Variants in HFM1 observed in about 807,000 individuals in gnomAD.
The protein encoded by HFM1 is probable ATP-dependent DNA helicase HFM1.
Under a neutral mutation model 192.1 loss-of-function variants are expected in HFM1, and 169 were observed. That is an observed-to-expected ratio of 0.88 (90% confidence interval 0.78 to 1.00). The LOEUF (loss-of-function observed/expected upper bound fraction) is 1.00. Ranked by LOEUF, HFM1 falls within the 50% of genes least tolerant of loss-of-function variation. The probability of loss-of-function intolerance (pLI) is 0.00; values close to 1 mark genes in which losing one functional copy is unlikely to be tolerated. For synonymous variants in HFM1, 525 were observed against 537.8 expected, an observed-to-expected ratio of 0.98 and a Z score of 0.33; for missense variants, 1,661 against 1,668.0, an observed-to-expected ratio of 1.00 and a Z score of 0.07.
chr1:91,387,122 T>TAA (rs1026840483), intron 4 of HFM1, among the ~76,000 whole-genome samples: 12 of 152,328 alleles, frequency 7.9e-5, no homozygotes, highest in Admixed American at 2.0e-4. Context: ...ATTCACATCT[T>TAA]ATAGAATAAG....
chr1:91,337,076 G>A (rs1303730343), intron 20 of HFM1, among the ~76,000 whole-genome samples: 1 of 152,184 alleles, frequency 6.6e-6, no homozygotes, highest in Non-Finnish European at 1.5e-5. Context: ...GTTGGGGTCT[G>A]TTGGGGAGGG....
intron 13 of HFM1, among the ~76,000 whole-genome samples, chr1:91,367,972 C>T (rs1043918319): frequency 3.9e-5 from 6 of 151,916 alleles, no homozygotes; most frequent in Admixed American, 6.6e-5. Flanking sequence ...CCTCAGTAGC[C>T]GATGTGATCA....
intron 30 of HFM1, among the ~76,000 whole-genome samples, chr1:91,280,454 A>G (rs575334428): frequency 6.6e-6 from 1 of 152,332 alleles, no homozygotes; most frequent in African/African-American, 2.4e-5. Flanking sequence ...TGGCAATTGC[A>G]TATCTCCATA....
intron 30 of HFM1, among the ~76,000 whole-genome samples, chr1:91,285,697 T>G (rs938268434): frequency 1.3e-5 from 2 of 152,212 alleles, no homozygotes; most frequent in African/African-American, 4.8e-5. Context: ...CCTTCATCCA[T>G]GATTTTGCTT....
chr1:91,298,190 G>T (rs1294634212), intron 30 of HFM1, among the ~76,000 whole-genome samples: 1 of 152,192 alleles, frequency 6.6e-6, no homozygotes, highest in Non-Finnish European at 1.5e-5. Context: ...GGGTATCAGG[G>T]ATGGAAGATC....
intron 30 of HFM1, among the ~76,000 whole-genome samples, chr1:91,310,067 G>T (rs1261081073): frequency 6.6e-6 from 1 of 151,654 alleles, no homozygotes; most frequent in African/African-American, 2.4e-5. Context: ...TACTCAAAAG[G>T]ACTCAGGAGT....
At chr1:91,313,047 G>A (rs548525716) in intron 30 of HFM1, among the ~76,000 whole-genome samples, 1 of 152,060 alleles carries the variant, frequency 6.6e-6, no homozygotes, top group Non-Finnish European at 1.5e-5. Flanking sequence ...ATGTGCAACT[G>A]TAAGTCCAAT....
chr1:91,323,709 C>G (rs1652469303), intron 21 of HFM1, among the ~76,000 whole-genome samples: 1 of 152,140 alleles, frequency 6.6e-6, no homozygotes, highest in African/African-American at 2.4e-5. Flanking sequence ...TTTGGTTTCC[C>G]ACATATCTAA....
At chr1:91,281,305 T>C (rs1305466473) in intron 30 of HFM1, among the ~76,000 whole-genome samples, 2 of 152,224 alleles carry the variant, frequency 1.3e-5, no homozygotes, top group East Asian at 1.9e-4. Flanking sequence ...CCCTGAAGTT[T>C]TGCAGCCTTC....
chr1:91,344,728 T>C (rs1281841813), intron 19 of HFM1, among the ~76,000 whole-genome samples: 3 of 144,912 alleles, frequency 2.1e-5, no homozygotes, highest in Non-Finnish European at 4.5e-5. Context: ...TTCTTTCTTT[T>C]TATTTTCATT....
At position 91,316,145 on chromosome 1, in the gene HFM1, CT is replaced by C; in HGVS notation, c.2937del (p.Glu980LysfsTer3). On this transcript the variant is annotated frameshift_variant, in exon 27 of 39. Coordinates refer to ENST00000370425, the MANE Select transcript of HFM1 (RefSeq NM_001017975.6). LOFTEE classifies it high-confidence loss of function. ...TATTTTGGTAGATACATCACAGTTTCTTTTATCTGGGTTCCAAAGGGGGGAT... is the reference window on the plus strand; with the variant it reads ...TATTTTGGTAGATACATCACAGTTTCTTTATCTGGGTTCCAAAGGGGGGAT... Reference protein sequence around the residue: ...NRHPPFGTQIKETVMYLPKYE... With the variant: ...NRHPPFGTQIXETVMYLPKYE... 1 of 1,593,304 alleles carries C rather than the reference CT, an allele frequency of 6.3e-7. No individual in the cohort carries two copies. Among genetic ancestry groups the C allele is most frequent in the Admixed American group, 1.7e-5 (1 of 58,660 alleles).
intron 16 of HFM1, 113 bp from the exon 17 acceptor site, chr1:91,351,756 T>C: frequency 6.4e-6 from 3 of 470,228 alleles, no homozygotes; most frequent in South Asian, 5.3e-5. Flanking sequence ...TCTGAAATAA[T>C]ACTTCAAAAA....
At chr1:91,264,399 G>A (rs1665516410) in intron 36 of HFM1, among the ~76,000 whole-genome samples, 1 of 46,850 alleles carries the variant, frequency 2.1e-5, no homozygotes. Flanking sequence ...TTGAGACGGA[G>A]TCTCGCTCTG....
chr1:91,293,322 C>A (rs1390927628), intron 30 of HFM1, among the ~76,000 whole-genome samples: 3 of 152,130 alleles, frequency 2.0e-5, no homozygotes, highest in Non-Finnish European at 4.4e-5. Flanking sequence ...GGGCTAATAT[C>A]CAGAATCTAC....
At chr1:91,298,495 C>T (rs1337594324) in intron 30 of HFM1, among the ~76,000 whole-genome samples, 1 of 110,642 alleles carries the variant, frequency 9.0e-6, no homozygotes, top group Admixed American at 9.9e-5. Flanking sequence ...TCAAATTCAC[C>T]AAAGTTGAAA....
chr1:91,370,088 G>C (rs964551944), intron 13 of HFM1, among the ~76,000 whole-genome samples: 3 of 152,128 alleles, frequency 2.0e-5, no homozygotes, highest in Admixed American at 6.5e-5. Context: ...TAAAATTGAG[G>C]CAATAATTAA....
At chr1:91,332,325 G>T (rs796087624) in intron 20 of HFM1, among the ~76,000 whole-genome samples, 1 of 152,238 alleles carries the variant, frequency 6.6e-6, no homozygotes, top group South Asian at 2.1e-4. Context: ...ACTCATTTTT[G>T]ACAAAGGTGC....
At chr1:91,302,467 T>G (rs529110506) in intron 30 of HFM1, among the ~76,000 whole-genome samples, 1 of 152,242 alleles carries the variant, frequency 6.6e-6, no homozygotes, top group Non-Finnish European at 1.5e-5. Context: ...CATGCTGCTA[T>G]AAAGACACAT....
chr1:91,356,720 G>GAA (rs61539547), intron 13 of HFM1, among the ~76,000 whole-genome samples: 91 of 148,786 alleles, frequency 6.1e-4, no homozygotes, highest in Admixed American at 1.5e-3. Context: ...CTAGACTAAG[G>GAA]AAAAAAAAAG....
Sources: gnomAD v4.1 joint callset for allele counts (sites outside exome capture counted in the v4.1 genomes callset) on GRCh38, gnomAD v4.1.1 for gene constraint, MANE v1.5 for transcripts, NCBI Gene and HGNC (gene_info 2026-07-23, HGNC 2026-07-21) for gene names.